SYT14: variants seen among roughly 807,000 people sequenced by gnomAD.
The protein encoded by SYT14 is synaptotagmin-14.
SYT14 carries 32 observed loss-of-function variants against 74.2 expected under a neutral mutation model. The ratio of observed to expected loss-of-function variants is 0.43; its 90% CI spans 0.33 to 0.58. The LOEUF is 0.58. Among genes scored for constraint, SYT14 ranks in the 20% least tolerant of loss-of-function variants. The pLI is 0.05. For missense variants in SYT14, 791 were observed against 981.8 expected (o/e 0.81, Z 2.60); for synonymous variants, 298 against 337.7 (o/e 0.88, Z 1.29).
At chr1:210,031,707 T>C (rs1400796829) in intron 5 of SYT14, among the ~76,000 whole-genome samples, 8 of 152,134 alleles carry the variant, frequency 5.3e-5, no homozygotes, top group Non-Finnish European at 1.2e-4. Flanking sequence ...GTTTATAATA[T>C]TCCTTTGTTA....
chr1:210,165,727 A>G (rs1379757575), exon 10 of SYT14: 2 of 152,222 alleles, frequency 1.3e-5, no homozygotes, highest in African/African-American at 4.8e-5. Flanking sequence ...CTAGGTAAGT[A>G]GTCAATGCCT....
At chr1:210,010,881 A>G (rs1161248188) in intron 2 of SYT14, among the ~76,000 whole-genome samples, 1 of 152,182 alleles carries the variant, frequency 6.6e-6, no homozygotes, top group Non-Finnish European at 1.5e-5. Context: ...CTCAATTTAC[A>G]ATGGGGATGA....
At chr1:210,145,168 C>CT (rs1376930870) in intron 7 of SYT14, among the ~76,000 whole-genome samples, 8 of 152,080 alleles carry the variant, frequency 5.3e-5, no homozygotes, top group African/African-American at 1.9e-4. Flanking sequence ...ATTTTTAAGT[C>CT]TATGTTTTGC....
chr1:210,018,909 G>A (rs571650729), intron 4 of SYT14, among the ~76,000 whole-genome samples: 10 of 152,006 alleles, frequency 6.6e-5, no homozygotes, highest in East Asian at 3.9e-4. Flanking sequence ...AGGCCAAGGC[G>A]GGCAGATCAC....
chr1:209,957,100 TCA>T (rs1449666109), intron 2 of SYT14, among the ~76,000 whole-genome samples: 2 of 152,166 alleles, frequency 1.3e-5, no homozygotes, highest in African/African-American at 4.8e-5. Context: ...TGAAAGTAAC[TCA>T]CATGTACTTT....
At chr1:210,033,047 A>G (rs1450937930) in intron 5 of SYT14, among the ~76,000 whole-genome samples, 1 of 151,864 alleles carries the variant, frequency 6.6e-6, no homozygotes, top group Non-Finnish European at 1.5e-5. Flanking sequence ...AGACAAAAAA[A>G]GTAGAAGTCA....
At chr1:209,983,822 T>C (rs934223809) in intron 2 of SYT14, among the ~76,000 whole-genome samples, 1 of 152,216 alleles carries the variant, frequency 6.6e-6, no homozygotes, top group African/African-American at 2.4e-5. Context: ...AACACTCTAT[T>C]GTGGTAAGTA....
exon 10 of SYT14, chr1:210,169,526 A>G (rs2083500003): frequency 6.6e-6 from 1 of 152,128 alleles, no homozygotes; most frequent in Non-Finnish European, 1.5e-5. Context: ...TATCAAGAGA[A>G]AAATTCCAGT....
chr1:209,989,507 T>G, intron 2 of SYT14, among the ~76,000 whole-genome samples: 1 of 152,228 alleles, frequency 6.6e-6, no homozygotes, highest in Non-Finnish European at 1.5e-5. Flanking sequence ...TCTTCAGCCT[T>G]TGAATCATTG....
intron 2 of SYT14, among the ~76,000 whole-genome samples, chr1:209,981,713 C>G (rs574745925): frequency 2.0e-5 from 3 of 152,098 alleles, no homozygotes; most frequent in Non-Finnish European, 2.9e-5. Flanking sequence ...GCATCAGCCT[C>G]TCAAAGTGTT....
chr1:210,118,723 T>C (rs2102602976), intron 7 of SYT14, among the ~76,000 whole-genome samples: 1 of 152,166 alleles, frequency 6.6e-6, no homozygotes, highest in East Asian at 1.9e-4. Context: ...AGGTGATCCA[T>C]CTGCCTCTGC....
exon 10 of SYT14, chr1:210,168,704 GT>G (rs1223055517): frequency 6.6e-6 from 1 of 152,116 alleles, no homozygotes; most frequent in Non-Finnish European, 1.5e-5. Context: ...AAGGTGGATG[GT>G]TTTGAACCTC....
chr1:210,085,245 A>C (rs1301193676), intron 5 of SYT14, among the ~76,000 whole-genome samples: 1 of 152,194 alleles, frequency 6.6e-6, no homozygotes, highest in Non-Finnish European at 1.5e-5. Flanking sequence ...TTGCCAGTGA[A>C]TTTGCTAAAT....
intron 2 of SYT14, among the ~76,000 whole-genome samples, chr1:209,955,195 A>G (rs1418668573): frequency 6.6e-6 from 1 of 152,146 alleles, no homozygotes; most frequent in African/African-American, 2.4e-5. Flanking sequence ...TTATAAATCC[A>G]GTTCTTGGCT....
chr1:209,949,400 C>T (rs1320117516), intron 1 of SYT14, among the ~76,000 whole-genome samples: 2 of 151,968 alleles, frequency 1.3e-5, no homozygotes, highest in Non-Finnish European at 2.9e-5. Context: ...TAGTGAAACC[C>T]CGCCTCTACT....
At chr1:210,095,484 G>T (rs1453416485) in intron 6 of SYT14, among the ~76,000 whole-genome samples, 1 of 152,078 alleles carries the variant, frequency 6.6e-6, no homozygotes, top group Non-Finnish European at 1.5e-5. Flanking sequence ...AAATTCCTGG[G>T]CTCAAGCAAT....
At chr1:210,118,838 G>T (rs1303919787) in intron 7 of SYT14, among the ~76,000 whole-genome samples, 1 of 152,102 alleles carries the variant, frequency 6.6e-6, no homozygotes, top group South Asian at 2.1e-4. Context: ...ATTGAGTGAG[G>T]TTGTTCTTCA....
intron 7 of SYT14, among the ~76,000 whole-genome samples, chr1:210,134,960 T>G (rs941583059): frequency 6.6e-6 from 1 of 152,124 alleles, no homozygotes; most frequent in Non-Finnish European, 1.5e-5. Flanking sequence ...TTCTTAATTT[T>G]TGTGTTCTTA....
At chr1:210,078,451 G>T (rs887125228) in intron 5 of SYT14, among the ~76,000 whole-genome samples, 1 of 151,846 alleles carries the variant, frequency 6.6e-6, no homozygotes, top group Non-Finnish European at 1.5e-5. Flanking sequence ...CTAAAAAAGT[G>T]ATGTGCCATG....
Sources: allele counts gnomAD v4.1 joint callset (sites outside exome capture counted in the v4.1 genomes callset), GRCh38; gene constraint gnomAD v4.1.1; transcripts MANE v1.5; gene names NCBI Gene and HGNC (gene_info 2026-07-23, HGNC 2026-07-21).